Variants in KIFC3 observed in about 807,000 individuals in gnomAD.
KIFC3 encodes the protein kinesin-like protein KIFC3.
Under a neutral mutation model 101.8 loss-of-function variants are expected in KIFC3, and 60 were observed. The ratio of observed to expected loss-of-function variants is 0.59; its 90% CI spans 0.48 to 0.73. The LOEUF is 0.73. Among genes scored for constraint, KIFC3 ranks in the 30% least tolerant of loss-of-function variants. The pLI is 0.00. For synonymous variants in KIFC3, 476 were observed against 482.7 expected (o/e 0.99, Z 0.18); for missense variants, 966 against 1,137.1 (o/e 0.85, Z 2.16).
Position 57,770,565 on chromosome 16 carries a change from G to A in KIFC3, c.901C>T (p.Gln301Ter), listed in dbSNP as rs1555607100. 6.6e-7 allele frequency: 1 copy of A among 1,504,404 alleles called. No individual in the cohort carries two copies. Among genetic ancestry groups the A allele is most frequent in the Admixed American group, 2.3e-5 (1 of 43,136 alleles). 93.2% of individuals were successfully genotyped at this position (1,504,404 alleles called of 1,614,324 possible). A position where few individuals can be genotyped will look rare whatever the true frequency, so the allele number is the denominator to read the frequency against. The change falls in exon 7 of 20, where the codon CAG becomes TAG. Residue 301 changes from glutamine to a stop codon, truncating the protein, a stop_gained. Transcript: ENST00000445690. LOFTEE classifies it high-confidence loss of function. The stretch of plus-strand genomic sequence containing the variant: ...CGCGCGGTCAGCTGGTGTGAGCTCT[G>A]CAGCTGCTGTTCCATCTCCTTCAGC... ...QVLKEMEQQLQSSHQLTARLR... is the reference protein window; with the variant it reads ...QVLKEMEQQL
intron 13 of KIFC3, 71 bp from the exon 14 acceptor site, chr16:57,761,607 C>A (rs1055540850): frequency 6.4e-7 from 1 of 1,557,882 alleles, no homozygotes; most frequent in South Asian, 1.2e-5. Context: ...ACCCAGCCCC[C>A]CAGCCAGGAA....
At chr16:57,837,730 C>T (rs2055724869) in intron 1 of KIFC3, among the ~76,000 whole-genome samples, 2 of 152,122 alleles carry the variant, frequency 1.3e-5, no homozygotes, top group Non-Finnish European at 2.9e-5. Context: ...CATTAGTCTT[C>T]ATAATTGAAG....
intron 3 of KIFC3, among the ~76,000 whole-genome samples, chr16:57,790,398 T>TC (rs71152297): frequency 1.3e-5 from 2 of 150,684 alleles, no homozygotes; most frequent in Non-Finnish European, 3.0e-5. Flanking sequence ...TTTTTTTTTT[T>TC]CATATCAACA....
chr16:57,830,282 A>AGCTGGAGT (rs2055550729), intron 1 of KIFC3, among the ~76,000 whole-genome samples: 3 of 145,920 alleles, frequency 2.1e-5, no homozygotes, highest in Non-Finnish European at 4.5e-5. Flanking sequence ...CTGTTGCCCA[A>AGCTGGAGT]GCTGGAGTGC....
intron 1 of KIFC3, among the ~76,000 whole-genome samples, chr16:57,860,235 C>T (rs1397934292): frequency 6.6e-6 from 1 of 152,068 alleles, no homozygotes; most frequent in Non-Finnish European, 1.5e-5. Context: ...AGGTGGATAA[C>T]CTGAAGTCAG....
intron 1 of KIFC3, among the ~76,000 whole-genome samples, chr16:57,838,871 C>T (rs1314006796): frequency 6.6e-6 from 1 of 152,126 alleles, no homozygotes; most frequent in Non-Finnish European, 1.5e-5. Context: ...AAAAAGGCAC[C>T]GCCATGTGTA....
At chr16:57,842,621 G>A (rs1199862159) in intron 1 of KIFC3, among the ~76,000 whole-genome samples, 3 of 152,122 alleles carry the variant, frequency 2.0e-5, no homozygotes, top group Non-Finnish European at 2.9e-5. Context: ...GCATTGACTC[G>A]AAGCCTCTGT....
intron 1 of KIFC3, among the ~76,000 whole-genome samples, chr16:57,850,947 C>T (rs560482): frequency 0.032 from 1,698 of 52,574 alleles, 38 homozygotes; most frequent in Non-Finnish European, 0.071. Context: ...CCTTCCCTCC[C>T]TCCTTCCTTC....
intron 19 of KIFC3, 32 bp downstream of exon 19, chr16:57,759,093 G>A (rs1022752877): frequency 1.0e-5 from 16 of 1,549,600 alleles, no homozygotes; most frequent in Non-Finnish European, 1.2e-5. Context: ...GCAGGCAGGC[G>A]GGCAGCCCTG....
At position 57,812,700 on chromosome 16, in the gene KIFC3, A is replaced by C. The variant is rs2055118055; in HGVS notation, c.109-14418T>G. Among the ~76,000 whole-genome samples, 3 of 152,372 alleles carry C rather than the reference A, an allele frequency of 2.0e-5. No homozygotes were observed. In the South Asian group the frequency reaches 6.2e-4, roughly 32 times the overall value. ...GTCAGGGTGAGATGAGGTGTTGCTCAGACAGGGAGGGCCTGGAAACAAAGC... is the reference window on the plus strand; with the variant it reads ...GTCAGGGTGAGATGAGGTGTTGCTCCGACAGGGAGGGCCTGGAAACAAAGC... On this transcript the variant is annotated intron_variant, in intron 1 of 2. Transcript: ENST00000563028.
chr16:57,802,363 C>T lies in KIFC3; in HGVS notation c.-40+7G>A. ...TCGCACCCAGCCCGCCCGGGCCCCCCACTCACCGGCCTGGCGGAGGCAGGA... is the reference window on the plus strand; with the variant it reads ...TCGCACCCAGCCCGCCCGGGCCCCCTACTCACCGGCCTGGCGGAGGCAGGA... On this transcript the variant is annotated splice_region_variant and intron_variant, in intron 1 of 19. Transcript: ENST00000445690. This position sits in a 1 kb window ranked among gnomAD's most constrained non-coding sequence, Gnocchi z 5.0. 1 of 983,052 alleles carries T rather than the reference C, an allele frequency of 1.0e-6. No individual in the cohort carries two copies. The highest frequency in any genetic ancestry group is 1.2e-6 in the Non-Finnish European group (1 of 828,564). 60.9% of individuals were successfully genotyped at this position (983,052 alleles called of 1,614,324 possible).
At chr16:57,842,620 C>T (rs1266490515) in intron 1 of KIFC3, among the ~76,000 whole-genome samples, 2 of 152,166 alleles carry the variant, frequency 1.3e-5, no homozygotes, top group African/African-American at 2.4e-5. Context: ...GGCATTGACT[C>T]GAAGCCTCTG....
chr16:57,759,007 T>G (rs117227681), intron 19 of KIFC3, 98 bp from the exon 20 acceptor site: 28 of 1,532,060 alleles, frequency 1.8e-5, no homozygotes, highest in Non-Finnish European at 2.3e-5. Context: ...CAAAAGCACA[T>G]AGACAAGCGA....
chr16:57,802,566 G>A, upstream of KIFC3: 2 of 992,072 alleles, frequency 2.0e-6, no homozygotes, highest in South Asian at 4.7e-5. The surrounding 1 kb of genome is among the most constrained non-coding windows in gnomAD (Gnocchi z 5.0). Flanking sequence ...CGACCCCGGC[G>A]GGGGGCGGCG....
chr16:57,758,512 G>T lies in KIFC3; in HGVS notation c.*422C>A, dbSNP rs1555590553. ...CCCACCCCAGTCCCCATGGTTCTTGGGTCTGCCCAGAGGCTCCTCGCCCAC... is the reference window on the plus strand; with the variant it reads ...CCCACCCCAGTCCCCATGGTTCTTGTGTCTGCCCAGAGGCTCCTCGCCCAC... On this transcript the variant is annotated 3_prime_UTR_variant, in exon 20 of 20. Transcript: ENST00000445690. The T allele has an allele frequency of 1.0e-5, 5 of 494,364 alleles. No individual in the cohort carries two copies. Among genetic ancestry groups the T allele is most frequent in the South Asian group, 9.0e-5 (5 of 55,660 alleles). The allele number at this position is 494,364 out of a possible 1,614,324, so 30.6% of individuals were successfully genotyped here.
intron 1 of KIFC3, among the ~76,000 whole-genome samples, chr16:57,836,602 C>T (rs192870106): frequency 1.7e-4 from 26 of 152,308 alleles, no homozygotes; most frequent in African/African-American, 5.8e-4. Context: ...CCAAAAGGCA[C>T]AAAAAGAAAA....
intron 1 of KIFC3, among the ~76,000 whole-genome samples, chr16:57,855,945 CAA>C (rs34278624): frequency 0.028 from 3,464 of 123,342 alleles, 57 homozygotes; most frequent in Non-Finnish European, 0.037. Context: ...GACTCCATCT[CAA>C]AAAAAAAAAA....
At chr16:57,857,556 C>A (rs930183532) in intron 1 of KIFC3, among the ~76,000 whole-genome samples, 2 of 151,898 alleles carry the variant, frequency 1.3e-5, no homozygotes, top group Non-Finnish European at 2.9e-5. Context: ...AGCCTCCCAC[C>A]CCCTAACATG....
rs545884486 is a variant in KIFC3, at chr16:57,758,422, C to A, written c.*512G>T. ...GCGGGAGGCCATGCGCCTCCGCACA[C>A]CCCCCAGCTGCGGGAACCCTCCTTG... On this transcript the variant is annotated 3_prime_UTR_variant, in exon 20 of 20. Transcript: ENST00000445690. The A allele has an allele frequency of 1.1e-5, 4 of 354,734 alleles. No homozygotes were observed. The highest frequency in any genetic ancestry group is 2.1e-5 in the South Asian group (1 of 47,650). The allele number at this position is 354,734 out of a possible 1,614,324, so 22.0% of individuals were successfully genotyped here. A position where few individuals can be genotyped will look rare whatever the true frequency, so the allele number is the denominator to read the frequency against.
Sources: gnomAD v4.1 joint callset for allele counts (sites outside exome capture counted in the v4.1 genomes callset) on GRCh38, gnomAD v4.1.1 for gene constraint, Gnocchi (gnomAD v3.1) non-coding constraint, MANE v1.5 for transcripts, NCBI Gene and HGNC (gene_info 2026-07-23, HGNC 2026-07-21) for gene names.